SORCS1: variants seen among roughly 807,000 people sequenced by gnomAD.
SORCS1 encodes the protein sortilin related VPS10 domain containing receptor 1, also known as VPS10 domain-containing receptor SorCS1.
Under a neutral mutation model 146.1 loss-of-function variants are expected in SORCS1, and 60 were observed. The ratio of observed to expected loss-of-function variants is 0.41; its 90% CI spans 0.33 to 0.51. The LOEUF is 0.51. SORCS1 is among the 20% of genes least tolerant of loss of function. The pLI is 0.21. For synonymous variants in SORCS1, 637 were observed against 584.0 expected (o/e 1.09, Z -1.31); for missense variants, 1,352 against 1,487.6 (o/e 0.91, Z 1.50).
chr10:106,577,972 C>T (rs1844669047), intron 25 of SORCS1: 1 of 157,716 alleles, frequency 6.3e-6, no homozygotes, highest in Non-Finnish European at 1.4e-5. Flanking sequence ...AGCCACAGAC[C>T]TTTCCCATAT....
At chr10:106,746,074 C>A (rs1474094413) in intron 5 of SORCS1, among the ~76,000 whole-genome samples, 1 of 152,054 alleles carries the variant, frequency 6.6e-6, no homozygotes, top group Non-Finnish European at 1.5e-5. Flanking sequence ...CGGAGGAACT[C>A]CTATGGATTT....
intron 4 of SORCS1, 87 bp from the exon 5 acceptor site, chr10:106,761,748 A>T (rs1275465490): frequency 1.1e-5 from 12 of 1,126,388 alleles, no homozygotes; most frequent in Non-Finnish European, 1.6e-5. Context: ...TAGTAATAAT[A>T]ATAATACCCA....
chr10:107,073,169 A>T (rs2134192783), intron 1 of SORCS1, among the ~76,000 whole-genome samples: 1 of 152,340 alleles, frequency 6.6e-6, no homozygotes, highest in South Asian at 2.1e-4. Flanking sequence ...ACATAGAAAA[A>T]GATTTGGAGA....
At chr10:106,667,595 G>A (rs575153632) in intron 17 of SORCS1, 94 bp downstream of exon 17, 3 of 818,534 alleles carry the variant, frequency 3.7e-6, no homozygotes, top group East Asian at 2.6e-5. Context: ...AAGGAAATAT[G>A]CTTGGTCCTT....
chr10:107,160,719 A>T (rs908023106), intron 1 of SORCS1, among the ~76,000 whole-genome samples: 1 of 152,208 alleles, frequency 6.6e-6, no homozygotes, highest in Non-Finnish European at 1.5e-5. Flanking sequence ...CCGGCATAAA[A>T]ATATGAAAAA....
At chr10:106,962,787 G>A (rs958714797) in intron 1 of SORCS1, among the ~76,000 whole-genome samples, 2 of 152,128 alleles carry the variant, frequency 1.3e-5, no homozygotes, top group Admixed American at 6.5e-5. Flanking sequence ...GCCTGGGGTG[G>A]GCCATAGTCT....
chr10:106,817,169 A>G (rs944753917), intron 3 of SORCS1, among the ~76,000 whole-genome samples: 2 of 152,060 alleles, frequency 1.3e-5, no homozygotes, highest in African/African-American at 4.8e-5. Context: ...ATAAGATCCA[A>G]CCTCTCTTTC....
At chr10:106,699,119 T>A (rs1385711494) in intron 9 of SORCS1, 95 bp downstream of exon 9, 1 of 1,093,346 alleles carries the variant, frequency 9.1e-7, no homozygotes, top group Non-Finnish European at 1.3e-6. Flanking sequence ...CATAAGGAAC[T>A]GTATTAAAAT....
At chr10:106,930,879 A>G (rs2138586802) in intron 2 of SORCS1, among the ~76,000 whole-genome samples, 1 of 152,302 alleles carries the variant, frequency 6.6e-6, no homozygotes, top group South Asian at 2.1e-4. Flanking sequence ...GACATGGGGA[A>G]TCTGCCCTTC....
At chr10:106,901,238 T>C (rs1469139312) in intron 2 of SORCS1, among the ~76,000 whole-genome samples, 1 of 152,194 alleles carries the variant, frequency 6.6e-6, no homozygotes, top group Non-Finnish European at 1.5e-5. Context: ...TCACAGGTAT[T>C]AGAAAGCAGC....
intron 10 of SORCS1, among the ~76,000 whole-genome samples, chr10:106,680,697 A>T (rs1852374262): frequency 6.6e-6 from 1 of 152,218 alleles, no homozygotes; most frequent in African/African-American, 2.4e-5. Flanking sequence ...TTGTCAAAAA[A>T]TATAAGTTTG....
At chr10:107,139,520 G>A (rs999464237) in intron 1 of SORCS1, among the ~76,000 whole-genome samples, 16 of 152,274 alleles carry the variant, frequency 1.1e-4, no homozygotes, top group Admixed American at 5.9e-4. Flanking sequence ...GGAAGAGAGA[G>A]AGGGAGAGAA....
At chr10:107,100,198 C>T (rs975729261) in intron 1 of SORCS1, among the ~76,000 whole-genome samples, 1 of 151,996 alleles carries the variant, frequency 6.6e-6, no homozygotes, top group African/African-American at 2.4e-5. Flanking sequence ...CATGAGAGCA[C>T]ATTTTGTAAA....
intron 3 of SORCS1, among the ~76,000 whole-genome samples, chr10:106,801,734 G>C (rs1589914502): frequency 1.3e-5 from 2 of 152,042 alleles, no homozygotes; most frequent in Admixed American, 1.3e-4. Flanking sequence ...GTTTCACTGT[G>C]TTAGCCAGGA....
intron 1 of SORCS1, among the ~76,000 whole-genome samples, chr10:107,003,861 C>T (rs1272305137): frequency 6.6e-6 from 1 of 152,046 alleles, no homozygotes; most frequent in African/African-American, 2.4e-5. Flanking sequence ...CAAAAGCAAT[C>T]CACAACAAAT....
At chr10:106,925,207 T>C (rs1263694588) in intron 2 of SORCS1, among the ~76,000 whole-genome samples, 4 of 151,966 alleles carry the variant, frequency 2.6e-5, no homozygotes, top group Non-Finnish European at 5.9e-5. Context: ...TTTTTTTTTG[T>C]ACAGCAGAAA....
At chr10:106,732,945 C>T (rs931110576) in intron 5 of SORCS1, among the ~76,000 whole-genome samples, 1 of 151,594 alleles carries the variant, frequency 6.6e-6, no homozygotes, top group African/African-American at 2.4e-5. Flanking sequence ...ATGGTGAAAC[C>T]CCGTATCTAC....
chr10:106,797,678 G>A (rs747256510), intron 3 of SORCS1, among the ~76,000 whole-genome samples: 21 of 152,094 alleles, frequency 1.4e-4, no homozygotes, highest in Non-Finnish European at 2.5e-4. Context: ...ATATTATTCA[G>A]TATCATCTCC....
At chr10:107,054,616 C>T (rs989788447) in intron 1 of SORCS1, among the ~76,000 whole-genome samples, 15 of 152,166 alleles carry the variant, frequency 9.9e-5, no homozygotes, top group African/African-American at 2.9e-4. Flanking sequence ...CAGAGCCTTG[C>T]TGAAAGTCTA....
Sources: allele counts gnomAD v4.1 joint callset (sites outside exome capture counted in the v4.1 genomes callset), GRCh38; gene constraint gnomAD v4.1.1; transcripts MANE v1.5; gene names NCBI Gene and HGNC (gene_info 2026-07-23, HGNC 2026-07-21).